SNRPN: variants seen among roughly 807,000 people sequenced by gnomAD.
The protein encoded by SNRPN is small nuclear ribonucleoprotein polypeptide N, also known as small nuclear ribonucleoprotein-associated protein N.
Under a neutral mutation model 25.2 loss-of-function variants are expected in SNRPN, and 7 were observed. The ratio of observed to expected loss-of-function variants is 0.28; its 90% confidence interval spans 0.16 to 0.52. The LOEUF is 0.52. SNRPN is among the 20% of genes least tolerant of loss of function. The pLI is 0.96. For synonymous variants in SNRPN, 124 were observed against 110.6 expected, an observed-to-expected ratio of 1.12 and a Z score of -0.76; for missense variants, 196 against 322.5, an observed-to-expected ratio of 0.61 and a Z score of 3.00.
At chr15:24,837,671 G>T (rs557223018) in intron 2 of SNRPN, among the ~76,000 whole-genome samples, 18 of 150,586 alleles carry the variant, frequency 1.2e-4, no homozygotes, top group African/African-American at 3.4e-4. Context: ...GCCCGGCTTG[G>T]GGGGCTACTG....
intron 2 of SNRPN, among the ~76,000 whole-genome samples, chr15:24,846,039 C>A (rs897770590): frequency 6.6e-6 from 1 of 151,324 alleles, no homozygotes; most frequent in African/African-American, 2.4e-5. Flanking sequence ...AAGCCAAGAT[C>A]GTGCCACTGC....
At chr15:24,919,445 AAT>A (rs1555396337) in intron 2 of SNRPN, among the ~76,000 whole-genome samples, 3 of 151,328 alleles carry the variant, frequency 2.0e-5, no homozygotes, top group South Asian at 2.1e-4. Context: ...AAAAAAAAAA[AAT>A]ATTCAATTAT....
intron 1 of SNRPN, among the ~76,000 whole-genome samples, chr15:24,881,707 A>C (rs2056703496): frequency 6.6e-6 from 1 of 152,182 alleles, no homozygotes; most frequent in South Asian, 2.1e-4. Flanking sequence ...TAAAAATCGA[A>C]GAACCGTGGA....
chr15:24,830,781 G>T (rs75066798), intron 2 of SNRPN, among the ~76,000 whole-genome samples: 1 of 151,948 alleles, frequency 6.6e-6, no homozygotes, highest in African/African-American at 2.4e-5. Context: ...GTTGTGTTTT[G>T]AGTGCATACA....
chr15:24,944,454 T>C (rs1479337898), intron 3 of SNRPN, among the ~76,000 whole-genome samples: 2 of 152,164 alleles, frequency 1.3e-5, no homozygotes, highest in African/African-American at 4.8e-5. Flanking sequence ...TCCCAGCACT[T>C]TGGGAGGCCA....
At chr15:24,837,929 G>T (rs1255931813) in intron 2 of SNRPN, among the ~76,000 whole-genome samples, 2 of 151,200 alleles carry the variant, frequency 1.3e-5, no homozygotes, top group Admixed American at 1.3e-4. Flanking sequence ...CACCATGTTT[G>T]CCAGGCTGGT....
intron 2 of SNRPN, among the ~76,000 whole-genome samples, chr15:24,901,156 T>C (rs981387383): frequency 6.6e-6 from 1 of 152,168 alleles, no homozygotes; most frequent in African/African-American, 2.4e-5. Context: ...TTCATCTCCT[T>C]GGTTAGATGT....
At chr15:24,908,826 A>G (rs77026334) in intron 2 of SNRPN, 47,173 of 519,236 alleles carry the variant, frequency 0.091, 2,816 homozygotes, top group South Asian at 0.14. Flanking sequence ...ATCTTTCTCT[A>G]GAGTCTTGGA....
intron 1 of SNRPN, among the ~76,000 whole-genome samples, chr15:24,869,512 C>A (rs2054883585): frequency 6.6e-6 from 1 of 152,084 alleles, no homozygotes; most frequent in African/African-American, 2.4e-5. Context: ...GTTCCTTCTG[C>A]CTGTGACAGT....
At chr15:24,897,315 G>C (rs1232166513) in intron 2 of SNRPN, among the ~76,000 whole-genome samples, 1 of 152,096 alleles carries the variant, frequency 6.6e-6, no homozygotes, top group Non-Finnish European at 1.5e-5. Flanking sequence ...GACTGGATGT[G>C]GTGGCTCACA....
chr15:24,858,614 G>A (rs7179505), intron 1 of SNRPN, among the ~76,000 whole-genome samples: 21,941 of 151,622 alleles, frequency 0.14, 1,844 homozygotes, highest in African/African-American at 0.23. Flanking sequence ...GGACAACATG[G>A]TGAAACCCTG....
chr15:24,848,737 C>G (rs2052502362), intron 2 of SNRPN: 1 of 152,052 alleles, frequency 6.6e-6, no homozygotes, highest in Admixed American at 6.6e-5. Context: ...TTAAGATTCT[C>G]TATTTTTAAC....
chr15:24,919,997 A>G (rs181309990), intron 2 of SNRPN: 6 of 152,246 alleles, frequency 3.9e-5, no homozygotes, highest in Non-Finnish European at 2.9e-5. Flanking sequence ...TTTCTTTACA[A>G]TTCTCAACCT....
At chr15:24,888,211 TG>T (rs1206641908) in intron 2 of SNRPN, among the ~76,000 whole-genome samples, 1 of 150,978 alleles carries the variant, frequency 6.6e-6, no homozygotes, top group Non-Finnish European at 1.5e-5. Flanking sequence ...CAGGTTCAAG[TG>T]ATTCTCCTGC....
At chr15:24,853,864 G>T (rs7170760), upstream of SNRPN, among the ~76,000 whole-genome samples, 487 of 152,250 alleles carry the variant, frequency 3.2e-3, no homozygotes, top group African/African-American at 0.011. Flanking sequence ...CACTTCCTGT[G>T]TTGTACTTTT....
At chr15:24,884,839 C>T (rs1440984722) in intron 1 of SNRPN, among the ~76,000 whole-genome samples, 3 of 152,090 alleles carry the variant, frequency 2.0e-5, no homozygotes, top group Non-Finnish European at 2.9e-5. Flanking sequence ...ACCCAGACCC[C>T]AAAAGAGGGT....
chr15:24,905,235 G>A (rs1417152997), intron 2 of SNRPN, among the ~76,000 whole-genome samples: 7 of 152,224 alleles, frequency 4.6e-5, no homozygotes, highest in African/African-American at 1.4e-4. Context: ...GGAGGACCGG[G>A]TGCGGTGGCT....
At chr15:24,962,068 A>G in intron 1 of SNRPN, 46 bp from the exon 2 acceptor site, 1 of 1,418,570 alleles carries the variant, frequency 7.0e-7, no homozygotes, top group Non-Finnish European at 1.0e-6. Context: ...GTTATTTCAT[A>G]GATTGATGCA....
Position 24,871,993 on chromosome 15 carries a change from C to T in SNRPN, c.-578-14523C>T, listed in dbSNP as rs1286535764. On this transcript the variant is annotated intron_variant, in intron 1 of 11. Transcript: ENST00000400097. ...GTGCTAGGATTACAGGCGTAAGCCACCACGCCCGGCCTTTTGTCCTCTTTT... is the reference window on the plus strand; with the variant it reads ...GTGCTAGGATTACAGGCGTAAGCCATCACGCCCGGCCTTTTGTCCTCTTTT... 1.7e-5 allele frequency among the ~76,000 whole-genome samples: 2 copies of T among 120,732 alleles called. 1 individual carries two copies. The highest frequency in any genetic ancestry group is 5.8e-4 in the East Asian group (2 of 3,450). 79.2% of individuals were successfully genotyped at this position (120,732 alleles called of 152,430 possible).
Sources: allele counts gnomAD v4.1 joint callset (sites outside exome capture counted in the v4.1 genomes callset), GRCh38; gene constraint gnomAD v4.1.1; transcripts MANE v1.5; gene names NCBI Gene and HGNC (gene_info 2026-07-23, HGNC 2026-07-21).